CREB5: variants seen among roughly 807,000 people sequenced by gnomAD.
CREB5 encodes the protein cyclic AMP-responsive element-binding protein 5.
In CREB5, 19 loss-of-function variants were observed where a neutral mutation model predicts 57.1. The ratio of observed to expected loss-of-function variants is 0.33; its 90% CI spans 0.23 to 0.49. The LOEUF is 0.49. Ranked by LOEUF, CREB5 falls within the 20% of genes least tolerant of loss-of-function variation. The probability of loss-of-function intolerance (pLI) is 0.99; values close to 1 mark genes in which losing one functional copy is unlikely to be tolerated. For synonymous variants in CREB5, 238 were observed against 238.3 expected (o/e 1.00, Z 0.01); for missense variants, 579 against 671.6 (o/e 0.86, Z 1.52).
chr7:28,485,042 A>G (rs938446929), intron 1 of CREB5, among the ~76,000 whole-genome samples: 4 of 152,214 alleles, frequency 2.6e-5, no homozygotes, highest in Non-Finnish European at 2.9e-5. Context: ...TTGCCAAAGT[A>G]TTAGCATTAT....
chr7:28,662,193 A>G (rs1799635821), intron 5 of CREB5, among the ~76,000 whole-genome samples: 1 of 152,196 alleles, frequency 6.6e-6, no homozygotes, highest in Non-Finnish European at 1.5e-5. Context: ...TGATGATCTA[A>G]TGGGTTGAAA....
intron 5 of CREB5, among the ~76,000 whole-genome samples, chr7:28,676,276 C>T (rs1333216794): frequency 2.0e-5 from 3 of 152,170 alleles, no homozygotes; most frequent in East Asian, 1.9e-4. Flanking sequence ...CCCAGACATT[C>T]GGCACCTATC....
intron 5 of CREB5, among the ~76,000 whole-genome samples, chr7:28,646,454 T>C (rs1014562151): frequency 3.9e-5 from 6 of 152,194 alleles, no homozygotes; most frequent in Admixed American, 3.9e-4. Flanking sequence ...GAAGGAACAA[T>C]TTGAGGTGAT....
chr7:28,547,405 A>G (rs160333), intron 4 of CREB5, among the ~76,000 whole-genome samples: 138,646 of 152,240 alleles, frequency 0.91, 63,310 homozygotes, highest in African/African-American at 0.98. Flanking sequence ...ATATGAATAG[A>G]AATCCAAAAA....
At chr7:28,680,941 G>C (rs1253551424) in intron 5 of CREB5, among the ~76,000 whole-genome samples, 1 of 152,136 alleles carries the variant, frequency 6.6e-6, no homozygotes, top group Non-Finnish European at 1.5e-5. Flanking sequence ...AACTGTGCAA[G>C]AAGTCCCAAC....
intron 1 of CREB5, among the ~76,000 whole-genome samples, chr7:28,324,304 A>G (rs990247321): frequency 2.6e-5 from 4 of 151,968 alleles, no homozygotes; most frequent in Non-Finnish European, 5.9e-5. Context: ...TGTAAGCACT[A>G]TCTTCACTCC....
intron 1 of CREB5, among the ~76,000 whole-genome samples, chr7:28,344,718 G>C (rs1027586221): frequency 1.3e-5 from 2 of 151,104 alleles, no homozygotes; most frequent in Non-Finnish European, 2.9e-5. Context: ...TGGCTAAGTG[G>C]ATTTAAAAAA....
chr7:28,777,837 A>T (rs902743129), intron 7 of CREB5, among the ~76,000 whole-genome samples: 1 of 152,224 alleles, frequency 6.6e-6, no homozygotes, highest in East Asian at 1.9e-4. Context: ...AATGCCAAGA[A>T]AAGAAAAAAG....
intron 1 of CREB5, among the ~76,000 whole-genome samples, chr7:28,426,744 G>A (rs892739676): frequency 1.5e-4 from 22 of 151,690 alleles, no homozygotes; most frequent in Admixed American, 1.2e-3. Context: ...TTAAGAAAAC[G>A]TATCTTCTAT....
chr7:28,366,433 G>C (rs964454929), intron 1 of CREB5, among the ~76,000 whole-genome samples: 1 of 152,092 alleles, frequency 6.6e-6, no homozygotes, highest in East Asian at 1.9e-4. Context: ...TGTATGTGAG[G>C]ATACTACTAC....
chr7:28,601,903 A>G (rs1796932670), intron 5 of CREB5, among the ~76,000 whole-genome samples: 2 of 152,312 alleles, frequency 1.3e-5, no homozygotes, highest in South Asian at 2.1e-4. Flanking sequence ...CAAAAAAAGT[A>G]TGTTTGGACA....
chr7:28,561,550 G>GGGTT (rs1795271917), intron 4 of CREB5, among the ~76,000 whole-genome samples: 1 of 152,158 alleles, frequency 6.6e-6, no homozygotes, highest in African/African-American at 2.4e-5. Flanking sequence ...TTATCAGATA[G>GGGTT]GGTTGTCTCT....
chr7:28,520,847 G>C (rs1793175280), intron 4 of CREB5, among the ~76,000 whole-genome samples: 1 of 152,216 alleles, frequency 6.6e-6, no homozygotes, highest in Non-Finnish European at 1.5e-5. Flanking sequence ...CTTTATTTAT[G>C]AAGATAGACA....
At chr7:28,410,041 G>A (rs780765178), upstream of CREB5, 171 of 442,664 alleles carry the variant, frequency 3.9e-4, 1 homozygote, top group African/African-American at 2.9e-3. Context: ...CGGGCGCGGC[G>A]AGGACGCCGG....
chr7:28,551,719 C>T (rs748340501), intron 4 of CREB5, among the ~76,000 whole-genome samples: 1 of 152,162 alleles, frequency 6.6e-6, no homozygotes, highest in Non-Finnish European at 1.5e-5. Flanking sequence ...GAGGAGAACT[C>T]ACTGTCTCAG....
At chr7:28,801,839 C>T (rs541017561) in intron 7 of CREB5, among the ~76,000 whole-genome samples, 3 of 152,084 alleles carry the variant, frequency 2.0e-5, no homozygotes, top group Admixed American at 2.0e-4. Context: ...GTAATCCCAG[C>T]TCTTTGGGAG....
chr7:28,772,376 A>G (rs959113191), intron 7 of CREB5, among the ~76,000 whole-genome samples: 1 of 152,190 alleles, frequency 6.6e-6, no homozygotes, highest in African/African-American at 2.4e-5. Flanking sequence ...CAGGGTGCTC[A>G]GGAAGCCAGG....
At chr7:28,726,437 C>T (rs767166032) in intron 7 of CREB5, among the ~76,000 whole-genome samples, 1 of 152,080 alleles carries the variant, frequency 6.6e-6, no homozygotes, top group Admixed American at 6.6e-5. Context: ...CTGGAGAAAT[C>T]AGTTATTGCC....
intron 5 of CREB5, among the ~76,000 whole-genome samples, chr7:28,640,883 G>A (rs1798631675): frequency 6.6e-6 from 1 of 152,166 alleles, no homozygotes; most frequent in Admixed American, 6.6e-5. Flanking sequence ...CTGAGAAGGA[G>A]TTTTAATATC....
Sources: allele counts gnomAD v4.1 joint callset (sites outside exome capture counted in the v4.1 genomes callset), GRCh38; gene constraint gnomAD v4.1.1; transcripts MANE v1.5; gene names NCBI Gene and HGNC (gene_info 2026-07-23, HGNC 2026-07-21).